Variants in DCAF6 observed in about 807,000 individuals in gnomAD.
DCAF6 encodes DDB1 and CUL4 associated factor 6.
A neutral mutation model predicts 125.1 loss-of-function variants in DCAF6; 54 were observed. The observed-to-expected ratio is 0.43, with a 90% CI of 0.35 to 0.54. The LOEUF (loss-of-function observed/expected upper bound fraction) is 0.54. Among genes scored for constraint, DCAF6 ranks in the 20% least tolerant of loss-of-function variants. The probability of loss-of-function intolerance (pLI) is 0.01; values close to 1 mark genes in which losing one functional copy is unlikely to be tolerated. For missense variants in DCAF6, 934 were observed against 1,161.7 expected, an observed-to-expected ratio of 0.80 and a Z score of 2.85; for synonymous variants, 371 against 390.4, an observed-to-expected ratio of 0.95 and a Z score of 0.58.
At chr1:167,897,530 G>T in the DCAF6 span, among the ~76,000 whole-genome samples, 22 of 76 alleles carry the variant, frequency 0.29, 2 homozygotes, top group East Asian at 0.5. Context: ...TATATATATA[G>T]AGAGAGAGAG....
At chr1:167,988,346 T>C (rs1319253518) in intron 5 of DCAF6, among the ~76,000 whole-genome samples, 1 of 151,892 alleles carries the variant, frequency 6.6e-6, no homozygotes, top group African/African-American at 2.4e-5. Flanking sequence ...TTATTTGTAG[T>C]AGATAGGAGG....
the DCAF6 span, among the ~76,000 whole-genome samples, chr1:167,910,501 G>A: frequency 1.3e-5 from 2 of 152,196 alleles, no homozygotes; most frequent in Non-Finnish European, 1.5e-5. Flanking sequence ...ACATGGGTGT[G>A]TATGCAAGGT....
chr1:167,878,465 A>G, the DCAF6 span: 3 of 1,613,938 alleles, frequency 1.9e-6, no homozygotes, highest in Admixed American at 5.0e-5. Flanking sequence ...GTACGGCCCC[A>G]ATACTGATAC....
At chr1:167,951,155 C>T (rs1673873857) in intron 1 of DCAF6, among the ~76,000 whole-genome samples, 1 of 152,062 alleles carries the variant, frequency 6.6e-6, no homozygotes, top group Non-Finnish European at 1.5e-5. Context: ...TTTTATTTTA[C>T]CACCGTAAAA....
the DCAF6 span, among the ~76,000 whole-genome samples, chr1:167,872,124 C>T: frequency 1.3e-5 from 2 of 152,070 alleles, no homozygotes; most frequent in African/African-American, 2.4e-5. Context: ...GGTGGATCCC[C>T]TGAGGTCAGG....
chr1:167,942,658 A>G (rs1224832055), intron 1 of DCAF6, among the ~76,000 whole-genome samples: 1 of 151,830 alleles, frequency 6.6e-6, no homozygotes, highest in Non-Finnish European at 1.5e-5. Context: ...TGGAGATTTT[A>G]TCTTTTTACC....
chr1:168,019,697 G>A (rs976955699), intron 11 of DCAF6: 4 of 195,878 alleles, frequency 2.0e-5, no homozygotes, highest in Admixed American at 5.5e-5. Flanking sequence ...TTTATGGCAC[G>A]GTTTTACCAA....
chr1:168,040,061 A>G (rs553280497), intron 13 of DCAF6, among the ~76,000 whole-genome samples: 93 of 152,174 alleles, frequency 6.1e-4, no homozygotes, highest in African/African-American at 1.7e-3. Flanking sequence ...TAGAAGGACA[A>G]TGGAGGAAAA....
chr1:167,932,106 A>G (rs1670927911), upstream of DCAF6, among the ~76,000 whole-genome samples: 1 of 152,192 alleles, frequency 6.6e-6, no homozygotes, highest in Non-Finnish European at 1.5e-5. Flanking sequence ...GGAGAGCTAT[A>G]ATGCGTTAAA....
At chr1:168,074,102 T>G (rs562770757) in intron 21 of DCAF6, among the ~76,000 whole-genome samples, 6 of 151,960 alleles carry the variant, frequency 3.9e-5, no homozygotes, top group Admixed American at 3.9e-4. Context: ...ATACATTATG[T>G]CATTGGTTTG....
intron 2 of DCAF6, among the ~76,000 whole-genome samples, chr1:167,962,153 G>T (rs895009789): frequency 6.6e-6 from 1 of 152,112 alleles, no homozygotes; most frequent in Non-Finnish European, 1.5e-5. Context: ...AGCTTTAGAG[G>T]ACTGTATATT....
At chr1:168,044,480 TA>T in intron 14 of DCAF6, 104 bp from the exon 15 acceptor site, 1 of 740,054 alleles carries the variant, frequency 1.4e-6, no homozygotes, top group Non-Finnish European at 2.4e-6. Context: ...ATTATGCCAT[TA>T]TATATGAGGG....
rs934636834 is a variant in DCAF6, at chr1:167,973,855, A to AT, written c.253-967dup. Among the ~76,000 whole-genome samples the AT allele has an allele frequency of 1.6e-4, 24 of 151,938 alleles. No homozygotes were observed. The East Asian group carries it at 2.7e-3, about 17-fold the overall frequency. On this transcript the variant is annotated intron_variant, in intron 3 of 21. Transcript: ENST00000367840. ...AATAACTCAGTAAATAATCTTTGACATTTTTTTTGGTCTTATTGGAAGCAT... is the reference window on the plus strand; with the variant it reads ...AATAACTCAGTAAATAATCTTTGACATTTTTTTTTGGTCTTATTGGAAGCAT...
At chr1:167,883,927 T>C in the DCAF6 span, among the ~76,000 whole-genome samples, 1 of 152,226 alleles carries the variant, frequency 6.6e-6, no homozygotes, top group Admixed American at 6.5e-5. Flanking sequence ...CTACTGTTCT[T>C]TTTGGCTCTC....
At chr1:167,901,575 A>T in the DCAF6 span, 1 of 1,348,648 alleles carries the variant, frequency 7.4e-7, no homozygotes, top group Non-Finnish European at 1.1e-6. Context: ...ACCATGTTCT[A>T]CTACTTCTCT....
chr1:168,072,294 T>TAAAAAAAAAAAAAA (rs59674650), intron 21 of DCAF6, among the ~76,000 whole-genome samples: 22 of 41,012 alleles, frequency 5.4e-4, no homozygotes, highest in East Asian at 1.5e-3. Context: ...AGAATCAGTC[T>TAAAAAAAAAAAAAA]AAAAAAAAAA....
At chr1:168,030,666 G>A (rs1686970089) in intron 12 of DCAF6, among the ~76,000 whole-genome samples, 1 of 152,232 alleles carries the variant, frequency 6.6e-6, no homozygotes, top group Non-Finnish European at 1.5e-5. Flanking sequence ...CACAGGGATT[G>A]AGGAGGAATC....
chr1:167,952,269 C>T lies in DCAF6; in HGVS notation c.159+408C>T, dbSNP rs368602018. 8.3e-4 allele frequency among the ~76,000 whole-genome samples: 126 copies of T among 152,164 alleles called. 1 individual carries two copies. In the South Asian group the frequency reaches 0.023, roughly 27 times the overall value. On this transcript the variant is annotated intron_variant, in intron 2 of 21. Coordinates refer to ENST00000367840, the MANE Select transcript of DCAF6 (RefSeq NM_001198956.2). ...AGGCTGGAGTGCAGTGGCGCAATCT[C>T]GGCTCACTGCAAGCTCAGCCTCCCT... is the stretch of plus-strand genomic sequence containing the variant.
intron 3 of DCAF6, among the ~76,000 whole-genome samples, chr1:167,967,523 A>G (rs1676598538): frequency 6.6e-6 from 1 of 152,180 alleles, no homozygotes. Flanking sequence ...TTTACACTTG[A>G]CATAACAGTT....
Sources: gnomAD v4.1 joint callset for allele counts (sites outside exome capture counted in the v4.1 genomes callset) on GRCh38, gnomAD v4.1.1 for gene constraint, MANE v1.5 for transcripts, NCBI Gene and HGNC (gene_info 2026-07-23, HGNC 2026-07-21) for gene names.